ANKHD1: variants seen among roughly 807,000 people sequenced by gnomAD.
ANKHD1 encodes ankyrin repeat and KH domain-containing protein 1.
A neutral mutation model predicts 230.5 loss-of-function variants in ANKHD1; 31 were observed. The ratio of observed to expected loss-of-function variants is 0.13; its 90% CI spans 0.10 to 0.18. The LOEUF (loss-of-function observed/expected upper bound fraction) is 0.18, where lower values mean the gene tolerates loss of function less well. ANKHD1 is among the 10% of genes least tolerant of loss of function. The pLI is 1.00. For missense variants in ANKHD1, 2,256 were observed against 3,071.3 expected, an observed-to-expected ratio of 0.73 and a Z score of 6.27; for synonymous variants, 1,074 against 1,117.6, an observed-to-expected ratio of 0.96 and a Z score of 0.78.
At chr5:140,404,793 C>T (rs1358010418) in intron 1 of ANKHD1, among the ~76,000 whole-genome samples, 1 of 151,162 alleles carries the variant, frequency 6.6e-6, no homozygotes, top group Admixed American at 6.6e-5. Context: ...CTCCTGGGCT[C>T]GGGTGGTCCT....
At chr5:140,494,311 T>G (rs2127032901) in intron 14 of ANKHD1, among the ~76,000 whole-genome samples, 1 of 152,304 alleles carries the variant, frequency 6.6e-6, no homozygotes, top group African/African-American at 2.4e-5. Flanking sequence ...GCTTTTGCTC[T>G]GAAAGAATAA....
intron 7 of ANKHD1, among the ~76,000 whole-genome samples, chr5:140,453,031 A>T (rs1479360839): frequency 1.3e-5 from 2 of 152,238 alleles, no homozygotes; most frequent in African/African-American, 2.4e-5. Context: ...AAATGACCTG[A>T]TGGAGCTGAA....
At chr5:140,435,463 C>G (rs760009409) in intron 1 of ANKHD1, among the ~76,000 whole-genome samples, 10 of 151,140 alleles carry the variant, frequency 6.6e-5, no homozygotes, top group Non-Finnish European at 1.5e-4. Flanking sequence ...CAGCAACCTG[C>G]GTCTTCTCCT....
rs1431545615 is a variant in ANKHD1, at chr5:140,485,963, A to G, written c.2142+231A>G. 1.9e-6 allele frequency: 1 copy of G among 535,076 alleles called. No homozygotes were observed. The highest frequency in any genetic ancestry group is 3.1e-6 in the Non-Finnish European group (1 of 323,018). The allele number at this position is 535,076 out of a possible 1,614,324, so 33.1% of individuals were successfully genotyped here. On this transcript the variant is annotated intron_variant, in intron 13 of 33. Transcript: ENST00000360839. The surrounding 1 kb of genome is among the most constrained non-coding windows in gnomAD (Gnocchi z 4.8). ...TTTTAAAAACCACTTAATATCAAAT[A>G]TAAACGTAAGTATTCTAAGTTGTTA...
intron 5 of ANKHD1, among the ~76,000 whole-genome samples, chr5:140,444,117 T>TACACTATGTAGAAGGAAGGG (rs1325819119): frequency 5.6e-5 from 7 of 124,916 alleles, no homozygotes; most frequent in Non-Finnish European, 8.0e-5. Context: ...CTGAAATAGA[T>TACACTATGTAGAAGGAAGGG]ACACTATGTA....
At chr5:140,474,388 C>T (rs1750851049) in intron 10 of ANKHD1, among the ~76,000 whole-genome samples, 1 of 152,120 alleles carries the variant, frequency 6.6e-6, no homozygotes, top group African/African-American at 2.4e-5. Context: ...GTCCTCCCTC[C>T]AACTCCAAAA....
chr5:140,472,284 G>A, intron 10 of ANKHD1: 3 of 1,613,600 alleles, frequency 1.9e-6, no homozygotes, highest in Non-Finnish European at 2.5e-6. Flanking sequence ...CATAGATCCG[G>A]CCAAGCATCA....
chr5:140,489,465 G>A (rs1352606632), intron 14 of ANKHD1, among the ~76,000 whole-genome samples: 6 of 152,046 alleles, frequency 3.9e-5, no homozygotes, highest in African/African-American at 1.4e-4. Context: ...ACTCCAGCCT[G>A]GGCGACAGCC....
At position 140,507,648 on chromosome 5, in the gene ANKHD1, T is replaced by G; in HGVS notation, c.3552-137T>G. 1 of 1,074,980 alleles carries G rather than the reference T, an allele frequency of 9.3e-7. No homozygotes were observed. Among genetic ancestry groups the G allele is most frequent in the Non-Finnish European group, 1.3e-6 (1 of 764,176 alleles). The allele number at this position is 1,074,980 out of a possible 1,614,324, so 66.6% of individuals were successfully genotyped here. On this transcript the variant is annotated intron_variant, in intron 19 of 33. Transcript: ENST00000360839. This position sits in a 1 kb window ranked among gnomAD's most constrained non-coding sequence, Gnocchi z 4.1. ...ATTGTGACATTTTCTTATTCTTTAT[T>G]ATTGGTCGAAACAAGTAAAATCTAT... is the stretch of plus-strand genomic sequence containing the variant.
chr5:140,478,317 C>T (rs142511036), intron 10 of ANKHD1, among the ~76,000 whole-genome samples: 159 of 148,506 alleles, frequency 1.1e-3, no homozygotes, highest in Non-Finnish European at 2.0e-3. Flanking sequence ...TAAAAAAAGA[C>T]TACCAAAACA....
intron 7 of ANKHD1, among the ~76,000 whole-genome samples, chr5:140,450,297 A>AT (rs5871736): frequency 1.8e-4 from 24 of 133,242 alleles, no homozygotes; most frequent in East Asian, 4.4e-4. Flanking sequence ...ACCTCTATCT[A>AT]TTTTTTTTTT....
chr5:140,486,824 T>TA, intron 13 of ANKHD1, 134 bp from the exon 14 acceptor site: 4 of 845,176 alleles, frequency 4.7e-6, no homozygotes, highest in Admixed American at 3.5e-5. Flanking sequence ...AAGCTTTTTT[T>TA]AAAAAAAGCT....
intron 15 of ANKHD1, among the ~76,000 whole-genome samples, chr5:140,497,877 C>CCACACA (rs36224738): frequency 0.027 from 3,938 of 144,520 alleles, 66 homozygotes; most frequent in East Asian, 0.044. Flanking sequence ...CCACACCACA[C>CCACACA]CACACACACA....
At chr5:140,445,276 C>T (rs1187782776) in intron 5 of ANKHD1, among the ~76,000 whole-genome samples, 7 of 152,048 alleles carry the variant, frequency 4.6e-5, no homozygotes, top group African/African-American at 1.4e-4. Flanking sequence ...GAGGCCGAGG[C>T]GGGTGGATTA....
intron 24 of ANKHD1, among the ~76,000 whole-genome samples, chr5:140,522,158 T>C (rs1240545845): frequency 4.6e-5 from 7 of 152,222 alleles, no homozygotes; most frequent in African/African-American, 9.6e-5. Context: ...GCTAATCTAC[T>C]TTCTGTCTCT....
At chr5:140,535,233 A>AGCCACAT in intron 29 of ANKHD1, 129 bp from the exon 30 acceptor site, 1 of 1,376,346 alleles carries the variant, frequency 7.3e-7, no homozygotes, top group South Asian at 1.6e-5. Context: ...TATGAAAATG[A>AGCCACAT]GCCACATGCT....
intron 10 of ANKHD1, among the ~76,000 whole-genome samples, chr5:140,477,391 T>C (rs1751027176): frequency 6.6e-6 from 1 of 152,316 alleles, no homozygotes; most frequent in South Asian, 2.1e-4. Flanking sequence ...TTTTTTATCT[T>C]TCATAAAGCT....
At chr5:140,511,113 G>A (rs957762993) in intron 22 of ANKHD1, among the ~76,000 whole-genome samples, 3 of 152,038 alleles carry the variant, frequency 2.0e-5, no homozygotes, top group African/African-American at 7.2e-5. Flanking sequence ...CGTGAGCCAT[G>A]CCTCTCATAT....
intron 24 of ANKHD1, among the ~76,000 whole-genome samples, chr5:140,519,796 T>G (rs1455018595): frequency 6.6e-6 from 1 of 152,046 alleles, no homozygotes; most frequent in African/African-American, 2.4e-5. Flanking sequence ...ATTAAAGACT[T>G]AAACGTTAGA....
Sources: gnomAD v4.1 joint callset for allele counts (sites outside exome capture counted in the v4.1 genomes callset) on GRCh38, gnomAD v4.1.1 for gene constraint, Gnocchi (gnomAD v3.1) non-coding constraint, MANE v1.5 for transcripts, NCBI Gene and HGNC (gene_info 2026-07-23, HGNC 2026-07-21) for gene names.